The following PITPNC1 variants were observed in gnomAD, a reference collection of about 807,000 sequenced individuals.
The protein encoded by PITPNC1 is cytoplasmic phosphatidylinositol transfer protein 1.
In PITPNC1, 18 loss-of-function variants were observed where a neutral mutation model predicts 44.7. The ratio of observed to expected loss-of-function variants is 0.40; its 90% CI spans 0.28 to 0.60. The LOEUF (loss-of-function observed/expected upper bound fraction) is 0.60. Ranked by LOEUF, PITPNC1 falls within the 20% of genes least tolerant of loss-of-function variation. The pLI, the probability that PITPNC1 is intolerant of heterozygous loss-of-function variation, is 0.39. For missense variants in PITPNC1, 290 were observed against 418.4 expected, an observed-to-expected ratio of 0.69 and a Z score of 2.68; for synonymous variants, 141 against 149.6, an observed-to-expected ratio of 0.94 and a Z score of 0.42.
chr17:67,458,252 G>C (rs1448666415), intron 1 of PITPNC1, among the ~76,000 whole-genome samples: 1 of 152,060 alleles, frequency 6.6e-6, no homozygotes, highest in Non-Finnish European at 1.5e-5. Flanking sequence ...CTCAGCATCT[G>C]CTTCTTGGAG....
At chr17:67,418,411 C>T (rs1439682133) in intron 1 of PITPNC1, among the ~76,000 whole-genome samples, 2 of 152,160 alleles carry the variant, frequency 1.3e-5, no homozygotes, top group African/African-American at 4.8e-5. Context: ...TTCAGTGTTT[C>T]ATGCAAAAAG....
At chr17:67,559,790 C>A (rs2040883416) in intron 4 of PITPNC1, among the ~76,000 whole-genome samples, 1 of 152,004 alleles carries the variant, frequency 6.6e-6, no homozygotes, top group Admixed American at 6.6e-5. Context: ...GGGAGGCTGA[C>A]CTTGAACCCA....
intron 2 of PITPNC1, among the ~76,000 whole-genome samples, chr17:67,543,695 C>T (rs1338061484): frequency 6.6e-6 from 1 of 152,178 alleles, no homozygotes; most frequent in East Asian, 1.9e-4. Flanking sequence ...TTAATACATG[C>T]CTCTCATTTC....
At chr17:67,599,717 G>C (rs565440828) in intron 5 of PITPNC1, among the ~76,000 whole-genome samples, 1 of 152,300 alleles carries the variant, frequency 6.6e-6, no homozygotes, top group South Asian at 2.1e-4. Context: ...TTAGAAGCCA[G>C]CTTGTAGTAT....
rs2042993277 is a variant in PITPNC1 at position 67,695,419 on chromosome 17, T to TAC, written c.*2533_*2534dup. ...TACAAGCCTGCAATGGATGTATATA[T>TAC]ACAGAACATTAATAATTCTTAGAAG... On this transcript the variant is annotated 3_prime_UTR_variant, in exon 9 of 9. Transcript: ENST00000581322. 2 of 151,960 alleles carry TAC rather than the reference T, an allele frequency of 1.3e-5. No individual in the cohort carries two copies. The highest frequency in any genetic ancestry group is 1.3e-4 in the Admixed American group (2 of 15,232). The allele number at this position is 151,960 out of a possible 1,614,324, so 9.4% of individuals were successfully genotyped here.
chr17:67,664,121 G>A lies in PITPNC1; in HGVS notation c.463-5387G>A, dbSNP rs141239301. Among the ~76,000 whole-genome samples the A allele has an allele frequency of 9.1e-3, 1,379 of 152,074 alleles. 22 individuals carry two copies. The highest frequency in any genetic ancestry group is 0.032 in the African/African-American group (1,315 of 41,478). ...TGGGACTACAGGCAGATGCCACCAC[G>A]CCCAGCTAAATTTTTGCATTTTTAG... On this transcript the variant is annotated intron_variant, in intron 6 of 8. Coordinates refer to ENST00000581322, the MANE Select transcript of PITPNC1 (RefSeq NM_012417.4).
At chr17:67,518,311 G>C (rs891708235) in intron 1 of PITPNC1, among the ~76,000 whole-genome samples, 7 of 152,110 alleles carry the variant, frequency 4.6e-5, no homozygotes, top group Non-Finnish European at 7.4e-5. Context: ...AAGGTGTCTG[G>C]ACCTTTTTGA....
chr17:67,653,363 C>A (rs572621411), intron 6 of PITPNC1, among the ~76,000 whole-genome samples: 1 of 152,166 alleles, frequency 6.6e-6, no homozygotes, highest in Non-Finnish European at 1.5e-5. Flanking sequence ...GTGATGACTT[C>A]ACTCCAGTGA....
chr17:67,474,957 G>A (rs975222455), intron 1 of PITPNC1, among the ~76,000 whole-genome samples: 2 of 152,216 alleles, frequency 1.3e-5, no homozygotes, highest in African/African-American at 4.8e-5. Flanking sequence ...TCCAGCCCAC[G>A]GGATTCTTGA....
At chr17:67,690,728 G>A (rs1433605124) in intron 8 of PITPNC1, among the ~76,000 whole-genome samples, 4 of 152,054 alleles carry the variant, frequency 2.6e-5, no homozygotes, top group Non-Finnish European at 4.4e-5. Flanking sequence ...TCTTTAATAA[G>A]CCCAGGTTCC....
chr17:67,630,207 C>T (rs573119218), intron 5 of PITPNC1, among the ~76,000 whole-genome samples: 1 of 152,360 alleles, frequency 6.6e-6, no homozygotes, highest in South Asian at 2.1e-4. Context: ...ATATTGCATT[C>T]TCTCCCGAAG....
At chr17:67,391,556 CT>C (rs2038139734) in intron 1 of PITPNC1, among the ~76,000 whole-genome samples, 1 of 152,130 alleles carries the variant, frequency 6.6e-6, no homozygotes, top group Non-Finnish European at 1.5e-5. Flanking sequence ...TCTTGGCTCA[CT>C]GCAACCTCCG....
intron 1 of PITPNC1, among the ~76,000 whole-genome samples, chr17:67,501,869 T>C (rs1242310821): frequency 6.6e-6 from 1 of 152,176 alleles, no homozygotes; most frequent in Non-Finnish European, 1.5e-5. Flanking sequence ...GTAAGCTTTC[T>C]AAATTCTAGC....
chr17:67,593,736 G>GA lies in PITPNC1; in HGVS notation c.366+15484dup, dbSNP rs760788971. On this transcript the variant is annotated intron_variant, in intron 5 of 8. Coordinates refer to ENST00000581322, the MANE Select transcript of PITPNC1 (RefSeq NM_012417.4). Reference sequence around the variant, plus strand: ...TCTTGATATTGATCTTTTGAGTTTTGAAAAAGAAAATATTCATCTGAGTCT... The same window carrying GA: ...TCTTGATATTGATCTTTTGAGTTTTGAAAAAAGAAAATATTCATCTGAGTCT... 8.8e-4 allele frequency among the ~76,000 whole-genome samples: 133 copies of GA among 151,982 alleles called. 2 individuals are homozygous for GA. Among genetic ancestry groups the GA allele is most frequent in the Non-Finnish European group, 1.4e-3 (97 of 67,990 alleles).
intron 7 of PITPNC1, among the ~76,000 whole-genome samples, chr17:67,674,523 T>C (rs1366064716): frequency 6.6e-6 from 1 of 150,440 alleles, no homozygotes; most frequent in African/African-American, 2.4e-5. Flanking sequence ...AAAATCAGTA[T>C]TTAGGATATG....
rs2040613816 is a variant in PITPNC1 at position 67,541,900 on chromosome 17, GC to G, written c.197+8951del. On this transcript the variant is annotated intron_variant, in intron 2 of 8. Coordinates refer to ENST00000581322, the MANE Select transcript of PITPNC1 (RefSeq NM_012417.4). Reference sequence around the variant, plus strand: ...CTCAGGTTAAGGAAGAAATTTCCAAGCACACAAACCATCTCAGAATGCCTTA... The same window carrying G: ...CTCAGGTTAAGGAAGAAATTTCCAAGACACAAACCATCTCAGAATGCCTTA... Among the ~76,000 whole-genome samples, 5 of 152,330 alleles carry G rather than the reference GC, an allele frequency of 3.3e-5. No homozygotes were observed. The South Asian group carries it at 1.0e-3, about 32-fold the overall frequency.
chr17:67,661,712 C>G (rs1240181522), intron 6 of PITPNC1, among the ~76,000 whole-genome samples: 1 of 152,164 alleles, frequency 6.6e-6, no homozygotes, highest in Non-Finnish European at 1.5e-5. Context: ...GATAATATGA[C>G]TTTAGGCTGG....
chr17:67,573,676 G>T (rs1009133843), intron 4 of PITPNC1, among the ~76,000 whole-genome samples: 4 of 143,880 alleles, frequency 2.8e-5, no homozygotes, highest in Non-Finnish European at 6.0e-5. Context: ...GATTCTTCCC[G>T]CTCAGCCTCC....
intron 1 of PITPNC1, among the ~76,000 whole-genome samples, chr17:67,425,932 C>T (rs117494335): frequency 0.027 from 4,111 of 152,244 alleles, 83 homozygotes; most frequent in South Asian, 0.11. Flanking sequence ...TCAAAAGCAA[C>T]CATAGACAAT....
Sources: gnomAD v4.1 joint callset for allele counts (sites outside exome capture counted in the v4.1 genomes callset) on GRCh38, gnomAD v4.1.1 for gene constraint, MANE v1.5 for transcripts, NCBI Gene and HGNC (gene_info 2026-07-23, HGNC 2026-07-21) for gene names.